JPH1: variants seen among roughly 807,000 people sequenced by gnomAD.
JPH1 encodes junctophilin 1.
Under a neutral mutation model 53.6 loss-of-function variants are expected in JPH1, and 12 were observed. The ratio of observed to expected loss-of-function variants is 0.22; its 90% CI spans 0.14 to 0.36. The LOEUF (loss-of-function observed/expected upper bound fraction) is 0.36. JPH1 is among the 10% of genes least tolerant of loss of function. The pLI, the probability that JPH1 is intolerant of heterozygous loss-of-function variation, is 1.00. For synonymous variants in JPH1, 375 were observed against 363.8 expected (o/e 1.03, Z -0.35); for missense variants, 808 against 905.5 (o/e 0.89, Z 1.38).
chr8:74,268,332 T>A (rs569758187), intron 2 of JPH1, among the ~76,000 whole-genome samples: 1 of 152,160 alleles, frequency 6.6e-6, no homozygotes, highest in Non-Finnish European at 1.5e-5. Context: ...TGCATTGTTC[T>A]CCAGCAGGGC....
In JPH1 at chr8:74,237,014, A is replaced by G; in HGVS notation, c.*37T>C. 1 of 522,040 alleles carries G rather than the reference A, an allele frequency of 1.9e-6. No homozygotes were observed. The highest frequency in any genetic ancestry group is 3.4e-6 in the Non-Finnish European group (1 of 291,500). 32.3% of individuals were successfully genotyped at this position (522,040 alleles called of 1,614,324 possible). A position where few individuals can be genotyped will look rare whatever the true frequency, so the allele number is the denominator to read the frequency against. On this transcript the variant is annotated 3_prime_UTR_variant, in exon 6 of 6. Transcript: ENST00000342232. ...ACTGCAGAGAACTGTGGGCTAACAC[A>G]CCACTAGTTGTCAGGACTTCACTGA... is the stretch of plus-strand genomic sequence containing the variant.
In JPH1 at chr8:74,245,188, AAAAG is replaced by A. The variant is rs777900168; in HGVS notation, c.1259-17_1259-14del. 4.5e-6 allele frequency: 7 copies of A among 1,545,042 alleles called. No homozygotes were observed. The African/African-American group carries it at 7.0e-5, about 15-fold the overall frequency. On this transcript the variant is annotated splice_polypyrimidine_tract_variant and intron_variant, in intron 3 of 5. Transcript: ENST00000342232. Reference sequence around the variant, plus strand: ...ACGTAATCAGGGCCTGGCCAAAAAAAAAAGAAAAAAGAAAAAAAGAAAGGAGGTA... The same window carrying A: ...ACGTAATCAGGGCCTGGCCAAAAAAAAAAAAAGAAAAAAAGAAAGGAGGTA...
chr8:74,244,595 T>C lies in JPH1; in HGVS notation c.1839A>G (p.Glu613=), dbSNP rs750109732. 1.9e-5 allele frequency: 30 copies of C among 1,614,186 alleles called. No individual in the cohort carries two copies. Among genetic ancestry groups the C allele is most frequent in the Non-Finnish European group, 2.5e-5 (30 of 1,180,030 alleles). The change falls in exon 4 of 6, where the codon GAA becomes GAG. Residue 613 remains glutamate, a synonymous_variant. Transcript: ENST00000342232. ...SKAEPKAKKS[E]LAIPKNPASN... ...TTGCTGGATTCTTTGGTATAGCAAG[T>C]TCAGACTTCTTAGCTTTTGGCTCAG...
intron 2 of JPH1, among the ~76,000 whole-genome samples, chr8:74,273,073 G>A (rs946606109): frequency 6.6e-6 from 1 of 152,104 alleles, no homozygotes; most frequent in African/African-American, 2.4e-5. Flanking sequence ...ATAATGGAAA[G>A]ACCTAGATTA....
At chr8:74,248,548 T>C (rs961192612) in intron 3 of JPH1, among the ~76,000 whole-genome samples, 3 of 152,210 alleles carry the variant, frequency 2.0e-5, no homozygotes, top group Non-Finnish European at 4.4e-5. Context: ...CTTGCATTGA[T>C]TGGTTATATT....
Position 74,271,368 on chromosome 8 carries a change from G to A in JPH1, c.1140-11865C>T, listed in dbSNP as rs78574068. Among the ~76,000 whole-genome samples the A allele has an allele frequency of 7.9e-5, 12 of 152,290 alleles. No homozygotes were observed. In the East Asian group the frequency reaches 1.7e-3, roughly 22 times the overall value. ...ACTTTAGTGGGGTCTCCAGGATTGCGCTAGACATCAGGCTGTACTTGCCAA... is the reference window on the plus strand; with the variant it reads ...ACTTTAGTGGGGTCTCCAGGATTGCACTAGACATCAGGCTGTACTTGCCAA... On this transcript the variant is annotated intron_variant, in intron 2 of 5. Transcript: ENST00000342232.
At chr8:74,318,595 T>C (rs1808227461) in intron 1 of JPH1, among the ~76,000 whole-genome samples, 1 of 152,152 alleles carries the variant, frequency 6.6e-6, no homozygotes, top group Non-Finnish European at 1.5e-5. Context: ...AATACACAAA[T>C]CACTAATAAA....
chr8:74,311,766 T>C (rs6986831), intron 2 of JPH1, among the ~76,000 whole-genome samples: 9,484 of 150,142 alleles, frequency 0.063, 1,017 homozygotes, highest in African/African-American at 0.22. Flanking sequence ...TGAGAACATG[T>C]GGTGTTTGGT....
At chr8:74,297,316 A>T (rs1807549353) in intron 2 of JPH1, among the ~76,000 whole-genome samples, 1 of 152,210 alleles carries the variant, frequency 6.6e-6, no homozygotes, top group African/African-American at 2.4e-5. Context: ...CCAGCTTTGG[A>T]GACTATGTAG....
chr8:74,320,120 C>T lies in JPH1; in HGVS notation c.379+789G>A, dbSNP rs1808271841. Reference sequence around the variant, plus strand: ...CTAACTTAGCAGCTATAGGAACACACCTGCTAATTGTATTCTTTAAAATGT... The same window carrying T: ...CTAACTTAGCAGCTATAGGAACACATCTGCTAATTGTATTCTTTAAAATGT... On this transcript the variant is annotated intron_variant, in intron 1 of 5. Coordinates refer to ENST00000342232, the MANE Select transcript of JPH1 (RefSeq NM_020647.4). This position sits in a 1 kb window ranked among gnomAD's most constrained non-coding sequence, Gnocchi z 4.4. Among the ~76,000 whole-genome samples the T allele has an allele frequency of 6.6e-6, 1 of 152,166 alleles. No individual in the cohort carries two copies. Among genetic ancestry groups the T allele is most frequent in the African/African-American group, 2.4e-5 (1 of 41,444 alleles).
intron 2 of JPH1, among the ~76,000 whole-genome samples, chr8:74,294,689 T>G (rs1385225361): frequency 6.6e-6 from 1 of 152,240 alleles, no homozygotes; most frequent in Non-Finnish European, 1.5e-5. Flanking sequence ...CCGTATCTTT[T>G]TCATTTTGGT....
At chr8:74,244,057 C>G (rs948398550) in intron 4 of JPH1, among the ~76,000 whole-genome samples, 2 of 152,182 alleles carry the variant, frequency 1.3e-5, no homozygotes, top group African/African-American at 4.8e-5. Context: ...GAATTCACAA[C>G]GGCTAGAGGA....
Position 74,284,044 on chromosome 8 carries a change from A to T in JPH1, c.1140-24541T>A, listed in dbSNP as rs2383924. 1.2e-3 allele frequency among the ~76,000 whole-genome samples: 190 copies of T among 152,038 alleles called. 2 individuals are homozygous for T. Among genetic ancestry groups the T allele is most frequent in the Non-Finnish European group, 1.8e-3 (120 of 67,990 alleles). ...TTGCAAATTTCCTTCCCTTGGACCC[A>T]GGAGTCCTCCTGTCTCTTAACCTCA... On this transcript the variant is annotated intron_variant, in intron 2 of 5. Coordinates refer to ENST00000342232, the MANE Select transcript of JPH1 (RefSeq NM_020647.4).
Position 74,281,320 on chromosome 8 carries a change from T to C in JPH1, c.1140-21817A>G, listed in dbSNP as rs184779156. Among the ~76,000 whole-genome samples, 482 of 152,308 alleles carry C rather than the reference T, an allele frequency of 3.2e-3. 2 individuals carry two copies. The highest frequency in any genetic ancestry group is 0.011 in the African/African-American group (467 of 41,566). Reference sequence around the variant, plus strand: ...TCTGCTTACTGTTATCCTCCCTGGATCAGAATGTTACCAGTGGTTACTTGG... The same window carrying C: ...TCTGCTTACTGTTATCCTCCCTGGACCAGAATGTTACCAGTGGTTACTTGG... On this transcript the variant is annotated intron_variant, in intron 2 of 5. Coordinates refer to ENST00000342232, the MANE Select transcript of JPH1 (RefSeq NM_020647.4).
intron 2 of JPH1, among the ~76,000 whole-genome samples, chr8:74,305,355 A>T (rs1009927535): frequency 6.6e-6 from 1 of 152,234 alleles, no homozygotes; most frequent in African/African-American, 2.4e-5. Flanking sequence ...TTAAAAACAG[A>T]GTTTCTCCAG....
At chr8:74,269,188 A>T (rs1284177251) in intron 2 of JPH1, among the ~76,000 whole-genome samples, 1 of 152,228 alleles carries the variant, frequency 6.6e-6, no homozygotes, top group African/African-American at 2.4e-5. Flanking sequence ...GAACAAAAAG[A>T]TCTGTTCCTC....
chr8:74,257,500 C>T lies in JPH1; in HGVS notation c.1258+1885G>A, dbSNP rs115871903. ...ACAGTAAGTTTGTTTGCTTTCAAAG[C>T]CGCTCAAGCCCAGTGCCTCCTGATC... On this transcript the variant is annotated intron_variant, in intron 3 of 5. Transcript: ENST00000342232. 3.3e-3 allele frequency among the ~76,000 whole-genome samples: 510 copies of T among 152,250 alleles called. 3 individuals carry two copies. Among genetic ancestry groups the T allele is most frequent in the African/African-American group, 0.012 (491 of 41,534 alleles).
intron 2 of JPH1, among the ~76,000 whole-genome samples, chr8:74,268,470 C>T (rs965302008): frequency 1.3e-5 from 2 of 152,002 alleles, no homozygotes; most frequent in Non-Finnish European, 2.9e-5. Flanking sequence ...TATATAGAGC[C>T]AATGGGGGCC....
At chr8:74,311,656 A>G (rs907909715) in intron 2 of JPH1, among the ~76,000 whole-genome samples, 2 of 42,142 alleles carry the variant, frequency 4.7e-5, no homozygotes, top group Non-Finnish European at 9.2e-5. Flanking sequence ...ATATCTCCCA[A>G]TGCTATCCCT....
Sources: allele counts gnomAD v4.1 joint callset (sites outside exome capture counted in the v4.1 genomes callset), GRCh38; gene constraint gnomAD v4.1.1; non-coding constraint Gnocchi (gnomAD v3.1); transcripts MANE v1.5; gene names NCBI Gene and HGNC (gene_info 2026-07-23, HGNC 2026-07-21).